TTLL11: variants seen among roughly 807,000 people sequenced by gnomAD.
TTLL11 encodes tubulin polyglutamylase TTLL11.
A neutral mutation model predicts 51.7 loss-of-function variants in TTLL11; 42 were observed. The observed-to-expected ratio is 0.81, with a 90% CI of 0.64 to 1.05. The LOEUF is 1.05. TTLL11 is among the 50% of genes least tolerant of loss of function. The pLI is 0.00. For synonymous variants in TTLL11, 381 were observed against 383.5 expected, an observed-to-expected ratio of 0.99 and a Z score of 0.08; for missense variants, 799 against 940.4, an observed-to-expected ratio of 0.85 and a Z score of 1.97.
intron 8 of TTLL11, among the ~76,000 whole-genome samples, chr9:121,845,947 T>C (rs1837503602): frequency 6.6e-6 from 1 of 152,092 alleles, no homozygotes; most frequent in Non-Finnish European, 1.5e-5. Flanking sequence ...TAAATGTGAA[T>C]GGTTTAAATA....
rs1235124064 is a variant in TTLL11 at position 121,900,288 on chromosome 9, T to C, written c.1482-29540A>G. Reference sequence around the variant, plus strand: ...ATTCTAAGTTTTCAGTTATTTTCTCTGAGCACTCAAACAGATTTCACTGAC... The same window carrying C: ...ATTCTAAGTTTTCAGTTATTTTCTCCGAGCACTCAAACAGATTTCACTGAC... On this transcript the variant is annotated intron_variant, in intron 6 of 8. Coordinates refer to ENST00000321582, the MANE Select transcript of TTLL11 (RefSeq NM_001139442.2). Among the ~76,000 whole-genome samples, 3 of 152,380 alleles carry C rather than the reference T, an allele frequency of 2.0e-5. No homozygotes were observed. The East Asian group carries it at 5.8e-4, about 29-fold the overall frequency.
chr9:121,985,020 C>T (rs1842909756), intron 4 of TTLL11, among the ~76,000 whole-genome samples: 1 of 152,174 alleles, frequency 6.6e-6, no homozygotes, highest in South Asian at 2.1e-4. Context: ...TTACAGGAAA[C>T]CTGCCCACAG....
chr9:121,918,420 C>T (rs1355984040), intron 6 of TTLL11, among the ~76,000 whole-genome samples: 2 of 152,188 alleles, frequency 1.3e-5, no homozygotes, highest in Non-Finnish European at 2.9e-5. Flanking sequence ...GATGTACCCC[C>T]AGACTCCAAA....
In TTLL11 at chr9:122,092,880, G is replaced by A. The variant is rs1023398212; in HGVS notation, c.269C>T (p.Pro90Leu). 1.3e-6 allele frequency: 2 copies of A among 1,570,394 alleles called. No homozygotes were observed. The highest frequency in any genetic ancestry group is 1.4e-5 in the African/African-American group (1 of 73,906). ...VLQRPPPTLPPSKPKPVQGLC... is the reference protein window; with the variant it reads ...VLQRPPPTLPLSKPKPVQGLC... Reference sequence around the variant, plus strand: ...GCCCTGCACCGGCTTCGGCTTGGACGGGGGCAGCGTGGGCGGCGGCCGCTG... The same window carrying A: ...GCCCTGCACCGGCTTCGGCTTGGACAGGGGCAGCGTGGGCGGCGGCCGCTG... The change falls in exon 1 of 9, where the codon CCG becomes CTG. Residue 90 changes from proline to leucine, a missense_variant. This residue lies in a region of TTLL11 where 166 missense variants were observed against 161.6 expected (regional missense o/e 1.03). Transcript: ENST00000321582.
chr9:121,943,943 T>C (rs1234750375), intron 6 of TTLL11, among the ~76,000 whole-genome samples: 1 of 152,186 alleles, frequency 6.6e-6, no homozygotes, highest in Non-Finnish European at 1.5e-5. Flanking sequence ...TCTTTCTTCA[T>C]GTCTGATCAA....
At chr9:121,897,640 A>ACACACACACACACACACACACACGCGCG (rs111331446) in intron 6 of TTLL11, among the ~76,000 whole-genome samples, 182 of 139,370 alleles carry the variant, frequency 1.3e-3, no homozygotes, top group Non-Finnish European at 2.0e-3. Flanking sequence ...ACACACACAC[A>ACACACACACACACACACACACACGCGCG]CGCGCGCGCG....
chr9:121,847,979 T>C (rs997968122), intron 8 of TTLL11, among the ~76,000 whole-genome samples: 1 of 152,122 alleles, frequency 6.6e-6, no homozygotes, highest in Admixed American at 6.5e-5. Context: ...AGTAGGAGGA[T>C]TGCTTGAGTC....
At chr9:121,855,510 C>A (rs1224046342) in intron 8 of TTLL11, among the ~76,000 whole-genome samples, 1 of 152,172 alleles carries the variant, frequency 6.6e-6, no homozygotes, top group Non-Finnish European at 1.5e-5. Context: ...ATCTGGTTAA[C>A]CCCTTCAGTG....
chr9:121,922,679 A>G (rs1840585096), intron 6 of TTLL11, among the ~76,000 whole-genome samples: 1 of 152,086 alleles, frequency 6.6e-6, no homozygotes, highest in South Asian at 2.1e-4. Context: ...ATGAGAGAGT[A>G]TGTTAGAGCC....
At chr9:121,932,788 G>A (rs915618190) in intron 6 of TTLL11, among the ~76,000 whole-genome samples, 6 of 152,180 alleles carry the variant, frequency 3.9e-5, no homozygotes, top group Non-Finnish European at 7.4e-5. Flanking sequence ...ATGGAGCTCC[G>A]AGAAAAGATG....
At chr9:121,942,738 ATTTTTTTTTTTT>A (rs34352222) in intron 6 of TTLL11, among the ~76,000 whole-genome samples, 3 of 97,906 alleles carry the variant, frequency 3.1e-5, no homozygotes, top group Admixed American at 2.3e-4. Flanking sequence ...AATCTGTCTT[ATTTTTTTTTTTT>A]TTTTTTTTTT....
chr9:122,008,951 C>T (rs974385176), intron 3 of TTLL11, among the ~76,000 whole-genome samples: 2 of 152,192 alleles, frequency 1.3e-5, no homozygotes, highest in African/African-American at 4.8e-5. Flanking sequence ...AAGACAAATA[C>T]TGCATGATCT....
rs1840024587 is a variant in TTLL11, at chr9:121,908,846, G to A, written c.1482-38098C>T. On this transcript the variant is annotated intron_variant, in intron 6 of 8. Transcript: ENST00000321582. ...TGTAAGGACTTTCTAAGGTAATTAGGGCCTACTCTGTTGGCTTCATTTTAA... is the reference window on the plus strand; with the variant it reads ...TGTAAGGACTTTCTAAGGTAATTAGAGCCTACTCTGTTGGCTTCATTTTAA... 2.6e-5 allele frequency among the ~76,000 whole-genome samples: 4 copies of A among 151,996 alleles called. 1 individual carries two copies. Among genetic ancestry groups the A allele is most frequent in the Admixed American group, 2.6e-4 (4 of 15,256 alleles).
intron 3 of TTLL11, among the ~76,000 whole-genome samples, chr9:122,019,875 A>C (rs1236189185): frequency 6.6e-6 from 1 of 152,232 alleles, no homozygotes; most frequent in Non-Finnish European, 1.5e-5. Flanking sequence ...GTAGTGAATA[A>C]GTCTCACAAG....
intron 6 of TTLL11, among the ~76,000 whole-genome samples, chr9:121,949,496 T>C (rs1168674387): frequency 1.3e-5 from 2 of 152,222 alleles, no homozygotes; most frequent in Admixed American, 6.5e-5. Context: ...TTTTGTGTGA[T>C]GTCTCATAGT....
At chr9:121,948,218 A>G (rs1340795503) in intron 6 of TTLL11, among the ~76,000 whole-genome samples, 1 of 152,148 alleles carries the variant, frequency 6.6e-6, no homozygotes, top group African/African-American at 2.4e-5. Flanking sequence ...AAGTTAACAC[A>G]ACCGGAACAT....
chr9:121,837,623 T>C (rs1441273859), intron 8 of TTLL11, among the ~76,000 whole-genome samples: 3 of 152,146 alleles, frequency 2.0e-5, no homozygotes, highest in Non-Finnish European at 2.9e-5. Context: ...CCATCTGCCA[T>C]CAACCAGCCC....
In TTLL11 at chr9:121,989,649, C is replaced by T. The variant is rs1406826330; in HGVS notation, c.815G>A (p.Gly272Glu). The change falls in exon 4 of 9, where the codon GGG becomes GAG. Residue 272 changes from glycine (G) to glutamate (E), a missense_variant. Gly to Glu is a moderately conservative substitution (Grantham distance 98). Transcript: ENST00000321582. The surrounding 1 kb of genome is among the most constrained non-coding windows in gnomAD (Gnocchi z 4.2). Reference sequence around the variant, plus strand: ...CACCGCTGGCCTGCTCTGGAGGGTCCCTGCCAGGCGGATGTCACTGGGGTC... The same window carrying T: ...CACCGCTGGCCTGCTCTGGAGGGTCTCTGCCAGGCGGATGTCACTGGGGTC... Reference protein sequence around the residue: ...IKDPSDIRLAGTLQSRPAVVQ... With the variant: ...IKDPSDIRLAETLQSRPAVVQ... 2 of 1,614,130 alleles carry T rather than the reference C, an allele frequency of 1.2e-6. No individual in the cohort carries two copies. The highest frequency in any genetic ancestry group is 1.7e-6 in the Non-Finnish European group (2 of 1,180,028).
Position 121,976,213 on chromosome 9 carries a change from C to T in TTLL11, c.1270-1234G>A, listed in dbSNP as rs537184118. 2.6e-5 allele frequency among the ~76,000 whole-genome samples: 4 copies of T among 152,334 alleles called. No individual in the cohort carries two copies. The South Asian group carries it at 6.2e-4, about 24-fold the overall frequency. On this transcript the variant is annotated intron_variant, in intron 4 of 8. Coordinates refer to ENST00000321582, the MANE Select transcript of TTLL11 (RefSeq NM_001139442.2). ...GAGTTCTCCAACACCGTCTGCTTCACGCCTGCTCTTAAATCCAGCATTCTG... is the reference window on the plus strand; with the variant it reads ...GAGTTCTCCAACACCGTCTGCTTCATGCCTGCTCTTAAATCCAGCATTCTG...
Sources: allele counts gnomAD v4.1 joint callset (sites outside exome capture counted in the v4.1 genomes callset), GRCh38; gene constraint gnomAD v4.1.1; regional missense constraint gnomAD v4.1.1; non-coding constraint Gnocchi (gnomAD v3.1); transcripts MANE v1.5; gene names NCBI Gene and HGNC (gene_info 2026-07-23, HGNC 2026-07-21).